The following CDH13 variants were observed in gnomAD, a reference collection of about 807,000 sequenced individuals.
The protein encoded by CDH13 is cadherin-13.
Under a neutral mutation model 63.8 loss-of-function variants are expected in CDH13, and 24 were observed. The observed-to-expected ratio is 0.38, with a 90% CI of 0.27 to 0.53. The LOEUF (loss-of-function observed/expected upper bound fraction) is 0.53. Among genes scored for constraint, CDH13 ranks in the 20% least tolerant of loss-of-function variants. CDH13 has a pLI of 0.85. For synonymous variants in CDH13, 503 were observed against 355.3 expected (o/e 1.42, Z -4.67); for missense variants, 1,049 against 903.1 (o/e 1.16, Z -2.07).
At chr16:83,586,195 G>T (rs747599885) in intron 7 of CDH13, among the ~76,000 whole-genome samples, 2 of 152,318 alleles carry the variant, frequency 1.3e-5, no homozygotes, top group African/African-American at 4.8e-5. Flanking sequence ...GGGAAGGTCC[G>T]CAGCCTGGGG....
chr16:82,749,778 T>C (rs575127078), intron 1 of CDH13, among the ~76,000 whole-genome samples: 28 of 152,248 alleles, frequency 1.8e-4, no homozygotes, highest in African/African-American at 6.3e-4. Context: ...CCTTCCTCAC[T>C]TGTTTCTTTG....
chr16:83,546,630 C>T (rs900144931), intron 7 of CDH13, among the ~76,000 whole-genome samples: 1 of 152,156 alleles, frequency 6.6e-6, no homozygotes, highest in East Asian at 1.9e-4. Flanking sequence ...GATCTTTACT[C>T]AAATTCACCT....
At chr16:83,232,414 A>C (rs771543072) in intron 5 of CDH13, among the ~76,000 whole-genome samples, 8 of 151,830 alleles carry the variant, frequency 5.3e-5, no homozygotes, top group Non-Finnish European at 1.0e-4. Context: ...AATCCCAGCT[A>C]CTAGGGAGGC....
At chr16:83,333,977 T>C (rs1471186506) in intron 5 of CDH13, among the ~76,000 whole-genome samples, 1 of 152,134 alleles carries the variant, frequency 6.6e-6, no homozygotes, top group East Asian at 1.9e-4. Context: ...ATCCAACATG[T>C]GTCAGGGTAA....
At chr16:82,911,897 G>A (rs1336307761) in intron 2 of CDH13, among the ~76,000 whole-genome samples, 1 of 152,016 alleles carries the variant, frequency 6.6e-6, no homozygotes, top group Non-Finnish European at 1.5e-5. Flanking sequence ...AGCCTTAGAC[G>A]CACCCAGTGC....
chr16:82,697,317 G>C (rs1419052816), intron 1 of CDH13, among the ~76,000 whole-genome samples: 1 of 151,776 alleles, frequency 6.6e-6, no homozygotes, highest in Non-Finnish European at 1.5e-5. Flanking sequence ...CCAGGTACTG[G>C]TGATTTCCAT....
At chr16:82,862,758 C>G (rs1272473711) in intron 2 of CDH13, among the ~76,000 whole-genome samples, 1 of 152,230 alleles carries the variant, frequency 6.6e-6, no homozygotes. Flanking sequence ...ACTCTAGTGA[C>G]TTAACACAGT....
chr16:83,269,667 A>G (rs2088738567), intron 5 of CDH13, among the ~76,000 whole-genome samples: 1 of 152,176 alleles, frequency 6.6e-6, no homozygotes, highest in Non-Finnish European at 1.5e-5. Context: ...ATCATTTCAC[A>G]CACTGACCAT....
At chr16:83,346,709 A>G (rs1298563621) in intron 6 of CDH13, among the ~76,000 whole-genome samples, 1 of 152,232 alleles carries the variant, frequency 6.6e-6, no homozygotes, top group Admixed American at 6.5e-5. Flanking sequence ...ACATGTATAT[A>G]CATGTAATAT....
At chr16:82,718,292 G>T (rs2032525039) in intron 1 of CDH13, among the ~76,000 whole-genome samples, 1 of 152,166 alleles carries the variant, frequency 6.6e-6, no homozygotes, top group African/African-American at 2.4e-5. Context: ...TCTATTATTG[G>T]TTGAGTCCCT....
At chr16:83,175,527 G>A (rs2038087140) in intron 4 of CDH13, among the ~76,000 whole-genome samples, 1 of 152,076 alleles carries the variant, frequency 6.6e-6, no homozygotes, top group African/African-American at 2.4e-5. Flanking sequence ...ACCACTGACT[G>A]AATCAGAGCC....
chr16:82,889,380 T>A (rs1264841256), intron 2 of CDH13, among the ~76,000 whole-genome samples: 1 of 152,102 alleles, frequency 6.6e-6, no homozygotes, highest in African/African-American at 2.4e-5. Context: ...TATAATCTAT[T>A]AGTTTTTCTT....
chr16:82,927,956 T>A (rs1203979440), intron 2 of CDH13, among the ~76,000 whole-genome samples: 1 of 152,220 alleles, frequency 6.6e-6, no homozygotes, highest in Non-Finnish European at 1.5e-5. Context: ...CATGGTCTAG[T>A]TGGGGAGATA....
In CDH13 at chr16:83,301,213, A is replaced by T. The variant is rs374624142; in HGVS notation, c.637-43649A>T. The stretch of plus-strand genomic sequence containing the variant: ...CGCCCGGCTAATTTTTTGTATTTTT[A>T]GTAGAGATGGGGTTTCACTGTGTTA... On this transcript the variant is annotated intron_variant, in intron 5 of 13. Coordinates refer to ENST00000567109, the MANE Select transcript of CDH13 (RefSeq NM_001257.5). 2.6e-5 allele frequency among the ~76,000 whole-genome samples: 4 copies of T among 151,508 alleles called. No homozygotes were observed. The East Asian group carries it at 5.8e-4, about 22-fold the overall frequency.
At chr16:83,678,186 G>A in intron 9 of CDH13, 22 bp from the exon 10 acceptor site, 1 of 1,598,070 alleles carries the variant, frequency 6.3e-7, no homozygotes, top group Non-Finnish European at 8.6e-7. Flanking sequence ...TGCATCCTGA[G>A]ACCCTTCTGT....
At chr16:83,090,702 C>G (rs1015522909) in intron 3 of CDH13, among the ~76,000 whole-genome samples, 9 of 152,092 alleles carry the variant, frequency 5.9e-5, no homozygotes, top group African/African-American at 9.7e-5. Context: ...CCCCGTCTGT[C>G]TGCTCCGACT....
chr16:83,323,171 CTT>C (rs1555530160), intron 5 of CDH13, among the ~76,000 whole-genome samples: 8,234 of 97,134 alleles, frequency 0.085, 331 homozygotes, highest in East Asian at 0.1. Context: ...CTTTCTCTTT[CTT>C]TTTTCTTTCT....
At chr16:82,884,000 C>A (rs920671320) in intron 2 of CDH13, among the ~76,000 whole-genome samples, 2 of 152,046 alleles carry the variant, frequency 1.3e-5, no homozygotes, top group East Asian at 1.9e-4. Flanking sequence ...GATTATCATA[C>A]CCCCATCATA....
At chr16:83,674,808 A>G (rs567877917) in intron 9 of CDH13, among the ~76,000 whole-genome samples, 3 of 152,380 alleles carry the variant, frequency 2.0e-5, no homozygotes, top group Non-Finnish European at 4.4e-5. Context: ...AACCGATTCT[A>G]AAACCACCAG....
Sources: allele counts gnomAD v4.1 joint callset (sites outside exome capture counted in the v4.1 genomes callset), GRCh38; gene constraint gnomAD v4.1.1; transcripts MANE v1.5; gene names NCBI Gene and HGNC (gene_info 2026-07-23, HGNC 2026-07-21).